Variants in RTRAF observed in about 807,000 individuals in gnomAD.
RTRAF encodes the protein RNA transcription, translation and transport factor.
RTRAF carries 14 observed loss-of-function variants against 34.4 expected under a neutral mutation model. The ratio of observed to expected loss-of-function variants is 0.41; its 90% confidence interval spans 0.27 to 0.64. RTRAF has a LOEUF of 0.64. RTRAF is among the 30% of genes least tolerant of loss of function. RTRAF has a pLI of 0.34. For missense variants in RTRAF, 291 were observed against 288.4 expected (o/e 1.01, Z -0.06); for synonymous variants, 96 against 95.3 (o/e 1.01, Z -0.04).
At chr14:52,003,667 T>C (rs191063026) in intron 6 of RTRAF, among the ~76,000 whole-genome samples, 234 of 149,106 alleles carry the variant, frequency 1.6e-3, no homozygotes, top group African/African-American at 5.7e-3. Context: ...CCTAGACTGT[T>C]TGTTTCAAAG....
chr14:51,998,250 A>C (rs964583393), intron 3 of RTRAF: 4 of 338,776 alleles, frequency 1.2e-5, no homozygotes, highest in African/African-American at 8.6e-5. Context: ...CTATGTGTAT[A>C]AGTTGTACAT....
In RTRAF at chr14:52,008,040, A is replaced by C; in HGVS notation, c.*3524A>C. The C allele has an allele frequency of 8.2e-7, 1 of 1,223,722 alleles. No individual in the cohort carries two copies. The highest frequency in any genetic ancestry group is 1.2e-6 in the Non-Finnish European group (1 of 867,430). 75.8% of individuals were successfully genotyped at this position (1,223,722 alleles called of 1,614,324 possible). A position where few individuals can be genotyped will look rare whatever the true frequency, so the allele number is the denominator to read the frequency against. ...GGTAGGCAGCATCTAAGCAGCCCCC[A>C]GTGATCTCCATCTCCTCATGTATTA... On this transcript the variant is annotated 3_prime_UTR_variant, in exon 8 of 8. Transcript: ENST00000261700.
rs780241744 is a variant in RTRAF at position 51,989,611 on chromosome 14, C to A, written c.-29C>A. 5.0e-6 allele frequency: 8 copies of A among 1,587,350 alleles called. No individual in the cohort carries two copies. The highest frequency in any genetic ancestry group is 5.1e-6 in the Non-Finnish European group (6 of 1,167,466). ...TCGCTTCTTCTCTCCCGGCCGAGGC[C>A]CGGGGGACCAGAGCGAGAAGCGGGG... On this transcript the variant is annotated 5_prime_UTR_variant, in exon 1 of 8. Transcript: ENST00000261700.
In RTRAF at chr14:52,005,082, G is replaced by T. The variant is rs925979149; in HGVS notation, c.*566G>T. 6.1e-6 allele frequency: 1 copy of T among 165,202 alleles called. No individual in the cohort carries two copies. Among genetic ancestry groups the T allele is most frequent in the Non-Finnish European group, 1.3e-5 (1 of 76,716 alleles). The allele number at this position is 165,202 out of a possible 1,614,324, so 10.2% of individuals were successfully genotyped here. The stretch of plus-strand genomic sequence containing the variant: ...GGCTTCTCCAACTGTCAAGGTTTAG[G>T]ATTATATTGTTATATTGATCACATG... On this transcript the variant is annotated 3_prime_UTR_variant, in exon 8 of 8. Coordinates refer to ENST00000261700, the MANE Select transcript of RTRAF (RefSeq NM_016039.3).
Position 52,006,064 on chromosome 14 carries a change from A to C in RTRAF, c.*1548A>C. The C allele has an allele frequency of 1.8e-6, 1 of 542,578 alleles. No individual in the cohort carries two copies. The highest frequency in any genetic ancestry group is 3.3e-6 in the Non-Finnish European group (1 of 299,392). The allele number at this position is 542,578 out of a possible 1,614,324, so 33.6% of individuals were successfully genotyped here. On this transcript the variant is annotated 3_prime_UTR_variant, in exon 8 of 8. Transcript: ENST00000261700. ...TTAGAATCACATGATGAGCTATCAA[A>C]TCAGAGTTGTAGGGCATGGTGTAAA...
chr14:51,990,394 T>C (rs745710558), intron 1 of RTRAF, among the ~76,000 whole-genome samples: 46 of 152,194 alleles, frequency 3.0e-4, no homozygotes, highest in Admixed American at 5.9e-4. Flanking sequence ...CCACTACTCG[T>C]TTCCTTTGTA....
Position 52,008,043 on chromosome 14 carries a change from G to A in RTRAF, c.*3527G>A. 8.5e-7 allele frequency: 1 copy of A among 1,177,270 alleles called. No homozygotes were observed. Among genetic ancestry groups the A allele is most frequent in the African/African-American group, 1.5e-5 (1 of 65,034 alleles). 72.9% of individuals were successfully genotyped at this position (1,177,270 alleles called of 1,614,324 possible). On this transcript the variant is annotated 3_prime_UTR_variant, in exon 8 of 8. Coordinates refer to ENST00000261700, the MANE Select transcript of RTRAF (RefSeq NM_016039.3). ...AGGCAGCATCTAAGCAGCCCCCAGT[G>A]ATCTCCATCTCCTCATGTATTATAG...
At position 52,007,947 on chromosome 14, in the gene RTRAF, C is replaced by T. The variant is rs1223301711; in HGVS notation, c.*3431C>T. On this transcript the variant is annotated 3_prime_UTR_variant, in exon 8 of 8. Coordinates refer to ENST00000261700, the MANE Select transcript of RTRAF (RefSeq NM_016039.3). ...TTCAATTTTAGGAGCTTCTCTATTC[C>T]AGTCTGTCCAGTACAAGTTGCTGTA... 6.2e-7 allele frequency: 1 copy of T among 1,611,900 alleles called. No individual in the cohort carries two copies. The highest frequency in any genetic ancestry group is 2.2e-5 in the East Asian group (1 of 44,866).
chr14:51,990,667 A>T (rs965671072), intron 1 of RTRAF, among the ~76,000 whole-genome samples: 10 of 152,294 alleles, frequency 6.6e-5, no homozygotes, highest in African/African-American at 2.4e-4. Flanking sequence ...TTGAGTCTCA[A>T]TGTTCTTATC....
intron 4 of RTRAF, 168 bp from the exon 5 acceptor site, chr14:51,999,540 T>A (rs1006105965): frequency 6.3e-5 from 32 of 509,498 alleles, no homozygotes; most frequent in Non-Finnish European, 6.7e-5. Flanking sequence ...TTTATTTAAT[T>A]GTTGATAGTC....
intron 6 of RTRAF, 31 bp from the exon 7 acceptor site, chr14:52,004,163 A>C (rs1396178518): frequency 1.9e-6 from 3 of 1,581,194 alleles, no homozygotes; most frequent in Admixed American, 3.4e-5. Context: ...TTAACCATAA[A>C]TACTCTCATT....
chr14:51,993,667 T>A, intron 2 of RTRAF, 56 bp from the exon 3 acceptor site: 1 of 1,078,670 alleles, frequency 9.3e-7, no homozygotes, highest in Non-Finnish European at 1.4e-6. Context: ...CATTCTTTTT[T>A]CTGTGACTTT....
intron 6 of RTRAF, 27 bp from the exon 7 acceptor site, chr14:52,004,165 ACT>A: frequency 6.3e-7 from 1 of 1,581,732 alleles, no homozygotes; most frequent in East Asian, 2.2e-5. Context: ...AACCATAAAT[ACT>A]CTCATTTTGT....
chr14:52,001,422 C>T (rs953648518), intron 5 of RTRAF, among the ~76,000 whole-genome samples: 2 of 152,142 alleles, frequency 1.3e-5, no homozygotes, highest in Non-Finnish European at 2.9e-5. Context: ...TCGTGCTAAG[C>T]ATGCTCGTCA....
intron 6 of RTRAF, among the ~76,000 whole-genome samples, chr14:52,003,639 G>A (rs140737587): frequency 6.6e-6 from 1 of 152,172 alleles, no homozygotes; most frequent in African/African-American, 2.4e-5. Flanking sequence ...GGTGCTGAGT[G>A]GTTTAGTTTT....
In RTRAF at chr14:52,004,539, C is replaced by A; in HGVS notation, c.*23C>A. The A allele has an allele frequency of 1.2e-6, 2 of 1,601,912 alleles. No individual in the cohort carries two copies. Among genetic ancestry groups the A allele is most frequent in the South Asian group, 2.2e-5 (2 of 90,262 alleles). Reference sequence around the variant, plus strand: ...TGAACACTTGAGGACTTCAGCTTCTCACCTACTTAGTACAGTTGGGAACCA... The same window carrying A: ...TGAACACTTGAGGACTTCAGCTTCTAACCTACTTAGTACAGTTGGGAACCA... On this transcript the variant is annotated 3_prime_UTR_variant, in exon 8 of 8. Transcript: ENST00000261700.
rs566927231 is a variant in RTRAF, at chr14:51,995,810, T to TA, written c.286+2000dup. ...ACTTCGTTTACTTTTCCATTTAATT[T>TA]AAAAAAAAAAAACTTTTCTTTCTTT... On this transcript the variant is annotated intron_variant, in intron 3 of 7. Transcript: ENST00000261700. 6.0e-3 allele frequency among the ~76,000 whole-genome samples: 879 copies of TA among 145,332 alleles called. 8 individuals carry two copies. The highest frequency in any genetic ancestry group is 0.018 in the African/African-American group (719 of 39,982).
intron 1 of RTRAF, among the ~76,000 whole-genome samples, chr14:51,990,794 T>C (rs1395567634): frequency 1.3e-5 from 2 of 152,200 alleles, no homozygotes; most frequent in African/African-American, 4.8e-5. Context: ...GTCTTTTTTG[T>C]CATTTAATTT....
chr14:52,002,736 G>C (rs1890619648), intron 6 of RTRAF, among the ~76,000 whole-genome samples: 1 of 152,146 alleles, frequency 6.6e-6, no homozygotes, highest in Non-Finnish European at 1.5e-5. Flanking sequence ...TGAATGCCTT[G>C]GGCACAACTA....
Sources: allele counts gnomAD v4.1 joint callset (sites outside exome capture counted in the v4.1 genomes callset), GRCh38; gene constraint gnomAD v4.1.1; transcripts MANE v1.5; gene names NCBI Gene and HGNC (gene_info 2026-07-23, HGNC 2026-07-21).